The following OTUD4 variants were observed in gnomAD, a reference collection of about 807,000 sequenced individuals.
OTUD4 encodes the protein OTU deubiquitinase 4.
In OTUD4, 24 loss-of-function variants were observed where a neutral mutation model predicts 130.4. The ratio of observed to expected loss-of-function variants is 0.18; its 90% CI spans 0.13 to 0.26. OTUD4 has a LOEUF of 0.26. Ranked by LOEUF, OTUD4 falls within the 10% of genes least tolerant of loss-of-function variation. The pLI, the probability that OTUD4 is intolerant of heterozygous loss-of-function variation, is 1.00. For missense variants in OTUD4, 1,031 were observed against 1,329.4 expected (o/e 0.78, Z 3.49); for synonymous variants, 420 against 472.5 (o/e 0.89, Z 1.44).
In OTUD4 at chr4:145,155,924, T is replaced by A. The variant is rs144099199; in HGVS notation, c.690+12A>T. On this transcript the variant is annotated intron_variant, in intron 8 of 20. Coordinates refer to ENST00000447906, the MANE Select transcript of OTUD4 (RefSeq NM_001366057.1). ...AAAGAACTACATTTAAAACCACTTT[T>A]AAAAAAAATACCTCATTGCCTGACA... The A allele has an allele frequency of 4.7e-5, 75 of 1,593,572 alleles. No homozygotes were observed. Among genetic ancestry groups the A allele is most frequent in the East Asian group, 3.1e-4 (14 of 44,586 alleles).
chr4:145,155,386 T>C (rs2126769743), intron 10 of OTUD4, 25 bp downstream of exon 10: 1 of 1,583,822 alleles, frequency 6.3e-7, no homozygotes. Context: ...GTAAAATCTC[T>C]TCTTCTTTTA....
At chr4:145,169,992 A>T (rs1441795095) in intron 3 of OTUD4, among the ~76,000 whole-genome samples, 1 of 152,212 alleles carries the variant, frequency 6.6e-6, no homozygotes, top group Non-Finnish European at 1.5e-5. Flanking sequence ...TAAGCACTAC[A>T]GAGAAAAATA....
In OTUD4 at chr4:145,145,521, G is replaced by A. The variant is rs36226326; in HGVS notation, c.1422+746C>T. Reference sequence around the variant, plus strand: ...ATACTGGTATACTGGGTAACCTCCCGTAACAGTCCATTATTTATTTAATCT... The same window carrying A: ...ATACTGGTATACTGGGTAACCTCCCATAACAGTCCATTATTTATTTAATCT... On this transcript the variant is annotated intron_variant, in intron 14 of 20. Transcript: ENST00000447906. Among the ~76,000 whole-genome samples the A allele has an allele frequency of 1.9e-3, 295 of 152,088 alleles. 1 individual carries two copies. Among genetic ancestry groups the A allele is most frequent in the Non-Finnish European group, 3.6e-3 (245 of 67,986 alleles).
At chr4:145,155,840 T>A in intron 8 of OTUD4, 96 bp downstream of exon 8, 1 of 1,093,228 alleles carries the variant, frequency 9.1e-7, no homozygotes, top group Non-Finnish European at 1.3e-6. Flanking sequence ...CTGACTTGAC[T>A]GAAATGTACC....
At position 145,135,106 on chromosome 4, in the gene OTUD4, C is replaced by T; in HGVS notation, c.*2324G>A. 1 of 357,938 alleles carries T rather than the reference C, an allele frequency of 2.8e-6. No homozygotes were observed. Among genetic ancestry groups the T allele is most frequent in the Non-Finnish European group, 5.0e-6 (1 of 201,418 alleles). 22.2% of individuals were successfully genotyped at this position (357,938 alleles called of 1,614,324 possible). On this transcript the variant is annotated 3_prime_UTR_variant, in exon 21 of 21. Coordinates refer to ENST00000447906, the MANE Select transcript of OTUD4 (RefSeq NM_001366057.1). ...CTTAAAGGAAAAAAAGCGAAACCAACCTTCATGCAAAGATTAATTTTAAAA... is the reference window on the plus strand; with the variant it reads ...CTTAAAGGAAAAAAAGCGAAACCAATCTTCATGCAAAGATTAATTTTAAAA...
chr4:145,152,027 T>TAAGCAACAA lies in OTUD4; in HGVS notation c.968+505_968+513dup, dbSNP rs36226189. On this transcript the variant is annotated intron_variant, in intron 11 of 20. Coordinates refer to ENST00000447906, the MANE Select transcript of OTUD4 (RefSeq NM_001366057.1). ...GTGCACAATGGTACATTTTAAACAG[T>TAAGCAACAA]AAGCAACAAAACAAATAATCTTCAT... Among the ~76,000 whole-genome samples the TAAGCAACAA allele has an allele frequency of 4.8e-3, 729 of 152,364 alleles. 5 individuals are homozygous for TAAGCAACAA. The highest frequency in any genetic ancestry group is 7.5e-3 in the Non-Finnish European group (511 of 68,036).
chr4:145,162,500 G>A (rs1268205215), intron 6 of OTUD4, 140 bp downstream of exon 6: 17 of 456,224 alleles, frequency 3.7e-5, no homozygotes, highest in Admixed American at 9.0e-5. Context: ...TGCAGTGAGC[G>A]GAGATCACGC....
At position 145,152,650 on chromosome 4, in the gene OTUD4, AAAAATG is replaced by A. The variant is rs1187508067; in HGVS notation, c.874-21_874-16del. On this transcript the variant is annotated splice_polypyrimidine_tract_variant and intron_variant, in intron 10 of 20. Coordinates refer to ENST00000447906, the MANE Select transcript of OTUD4 (RefSeq NM_001366057.1). ...TCCAACCTAACCTGTTAAAAATTCC[AAAAATG>A]AAAAGGAAAAAAAAAATCAGTCACC... 1 of 1,478,846 alleles carries A rather than the reference AAAAATG, an allele frequency of 6.8e-7. No individual in the cohort carries two copies. The highest frequency in any genetic ancestry group is 1.8e-5 in the Admixed American group (1 of 54,786). 91.6% of individuals were successfully genotyped at this position (1,478,846 alleles called of 1,614,324 possible).
At chr4:145,178,876 G>A (rs1360627896) in intron 1 of OTUD4, among the ~76,000 whole-genome samples, 3 of 152,148 alleles carry the variant, frequency 2.0e-5, no homozygotes, top group Non-Finnish European at 4.4e-5. Flanking sequence ...CAGGCGGGTA[G>A]GGAGGGGTGT....
intron 14 of OTUD4, among the ~76,000 whole-genome samples, chr4:145,145,280 G>A (rs982284314): frequency 6.6e-6 from 1 of 152,058 alleles, no homozygotes; most frequent in African/African-American, 2.4e-5. Context: ...AATGTACTTT[G>A]CACATAAACA....
At chr4:145,159,680 G>GT in intron 6 of OTUD4, 45 bp from the exon 7 acceptor site, 2 of 1,595,424 alleles carry the variant, frequency 1.3e-6, no homozygotes, top group Non-Finnish European at 1.7e-6. Context: ...ACTACAGGCA[G>GT]TTTTTTAAAA....
At chr4:145,142,466 A>G (rs1047183458) in intron 17 of OTUD4, 132 bp from the exon 18 acceptor site, 17 of 722,170 alleles carry the variant, frequency 2.4e-5, no homozygotes, top group Non-Finnish European at 3.5e-5. Flanking sequence ...TAGCCCTTAT[A>G]GTCTTAGAAA....
intron 3 of OTUD4, among the ~76,000 whole-genome samples, chr4:145,168,413 T>TAAAAAAAAA (rs11432018): frequency 1.1e-4 from 14 of 122,790 alleles, no homozygotes; most frequent in South Asian, 2.7e-4. Flanking sequence ...AATAAAAAAT[T>TAAAAAAAAA]AAAAAAAAAA....
intron 6 of OTUD4, among the ~76,000 whole-genome samples, chr4:145,160,153 T>C (rs1276500488): frequency 6.6e-6 from 1 of 152,204 alleles, no homozygotes; most frequent in Non-Finnish European, 1.5e-5. Flanking sequence ...TATAGTATAG[T>C]ACATACTAGC....
rs141190965 is a variant in OTUD4, at chr4:145,176,454, G to A, written c.160-1710C>T. ...TAATCCCAGCACTTTGGGAGGCCGAGGAGGGTGGGTCCCCTGAGGTCAGGA... is the reference window on the plus strand; with the variant it reads ...TAATCCCAGCACTTTGGGAGGCCGAAGAGGGTGGGTCCCCTGAGGTCAGGA... On this transcript the variant is annotated intron_variant, in intron 1 of 20. Transcript: ENST00000447906. 1.5e-3 allele frequency among the ~76,000 whole-genome samples: 225 copies of A among 151,656 alleles called. 1 individual carries two copies. Among genetic ancestry groups the A allele is most frequent in the African/African-American group, 5.1e-3 (211 of 41,380 alleles).
intron 3 of OTUD4, among the ~76,000 whole-genome samples, chr4:145,165,450 A>C (rs1377304170): frequency 6.6e-6 from 1 of 152,196 alleles, no homozygotes; most frequent in Non-Finnish European, 1.5e-5. Flanking sequence ...TTGGTGTGGC[A>C]AGACCACAGC....
In OTUD4 at chr4:145,143,839, A is replaced by G. The variant is rs1351035336; in HGVS notation, c.1602+107T>C. ...CCCTGCTTTTCTACTTTCCTAATAC[A>G]CAGCTATAAAATTTCGAAATTATTT... On this transcript the variant is annotated intron_variant, in intron 16 of 20. Transcript: ENST00000447906. The G allele has an allele frequency of 6.4e-6, 5 of 776,872 alleles. No individual in the cohort carries two copies. In the African/African-American group the frequency reaches 8.8e-5, roughly 14 times the overall value. 48.1% of individuals were successfully genotyped at this position (776,872 alleles called of 1,614,324 possible).
intron 7 of OTUD4, among the ~76,000 whole-genome samples, chr4:145,156,935 T>C (rs1751323264): frequency 6.6e-6 from 1 of 152,146 alleles, no homozygotes; most frequent in Non-Finnish European, 1.5e-5. Flanking sequence ...ATTCTCGGGA[T>C]GTGACACCCA....
intron 13 of OTUD4, among the ~76,000 whole-genome samples, chr4:145,149,951 A>C (rs1750990852): frequency 6.6e-6 from 1 of 152,234 alleles, no homozygotes; most frequent in African/African-American, 2.4e-5. Context: ...GACTAGGGAA[A>C]AATTAAAATC....
Sources: gnomAD v4.1 joint callset for allele counts (sites outside exome capture counted in the v4.1 genomes callset) on GRCh38, gnomAD v4.1.1 for gene constraint, MANE v1.5 for transcripts, NCBI Gene and HGNC (gene_info 2026-07-23, HGNC 2026-07-21) for gene names.